The following JAKMIP1 variants were observed in gnomAD, a reference collection of about 807,000 sequenced individuals.
JAKMIP1 encodes janus kinase and microtubule-interacting protein 1.
A neutral mutation model predicts 113.0 loss-of-function variants in JAKMIP1; 33 were observed. That is an observed-to-expected ratio of 0.29 (90% confidence interval 0.22 to 0.39). The LOEUF (loss-of-function observed/expected upper bound fraction) is 0.39, where lower values mean the gene tolerates loss of function less well. Ranked by LOEUF, JAKMIP1 falls within the 10% of genes least tolerant of loss-of-function variation. JAKMIP1 has a pLI of 1.00. For synonymous variants in JAKMIP1, 480 were observed against 459.9 expected (o/e 1.04, Z -0.56); for missense variants, 813 against 1,080.5 (o/e 0.75, Z 3.47).
chr4:6,152,630 T>G (rs1051687967), intron 1 of JAKMIP1, among the ~76,000 whole-genome samples: 1 of 152,056 alleles, frequency 6.6e-6, no homozygotes, highest in African/African-American at 2.4e-5. Flanking sequence ...CAGCAGATCT[T>G]TGCAATATTC....
intron 1 of JAKMIP1, among the ~76,000 whole-genome samples, chr4:6,131,882 A>G (rs1718559301): frequency 6.6e-6 from 1 of 152,226 alleles, no homozygotes; most frequent in Admixed American, 6.5e-5. Context: ...TGAAGGAGAA[A>G]GTCTTTCTCC....
intron 16 of JAKMIP1, among the ~76,000 whole-genome samples, chr4:6,048,459 T>C (rs1008842372): frequency 9.9e-5 from 15 of 152,268 alleles, no homozygotes; most frequent in Admixed American, 3.3e-4. Context: ...AGTATAACTG[T>C]GTGATGGAGA....
At chr4:6,035,806 TG>T in intron 19 of JAKMIP1, 97 bp downstream of exon 19, 1 of 1,032,324 alleles carries the variant, frequency 9.7e-7, no homozygotes, top group Non-Finnish European at 1.4e-6. Context: ...CTCCCTGGAA[TG>T]AGCCTGGGGC....
intron 1 of JAKMIP1, among the ~76,000 whole-genome samples, chr4:6,149,116 A>T (rs1195153789): frequency 1.3e-5 from 2 of 152,188 alleles, no homozygotes; most frequent in African/African-American, 4.8e-5. Flanking sequence ...AGCCTTAGAG[A>T]AGGGCCACTG....
intron 11 of JAKMIP1, among the ~76,000 whole-genome samples, chr4:6,057,690 T>C (rs545497213): frequency 6.6e-6 from 1 of 152,326 alleles, no homozygotes; most frequent in Non-Finnish European, 1.5e-5. Context: ...CACCTCTGTG[T>C]GCACCCCCTC....
chr4:6,152,666 G>A (rs1721713810), intron 1 of JAKMIP1, among the ~76,000 whole-genome samples: 1 of 151,644 alleles, frequency 6.6e-6, no homozygotes, highest in African/African-American at 2.4e-5. Context: ...TCCTGGCCGA[G>A]TGTGGTGCCT....
chr4:6,099,397 A>C (rs1712631120), intron 3 of JAKMIP1, among the ~76,000 whole-genome samples: 1 of 151,986 alleles, frequency 6.6e-6, no homozygotes, highest in African/African-American at 2.4e-5. Context: ...GCCTTTTTAA[A>C]CCTTGATTTG....
chr4:6,055,260 G>A (rs1055372649), intron 12 of JAKMIP1, among the ~76,000 whole-genome samples: 1 of 152,170 alleles, frequency 6.6e-6, no homozygotes, highest in Non-Finnish European at 1.5e-5. Flanking sequence ...GCAGAGGGGG[G>A]ACTGCACATG....
Position 6,137,024 on chromosome 4 carries a change from C to T in JAKMIP1, c.-147-24027G>A, listed in dbSNP as rs1719342141. 6.6e-6 allele frequency among the ~76,000 whole-genome samples: 1 copy of T among 152,204 alleles called. No individual in the cohort carries two copies. The highest frequency in any genetic ancestry group is 6.5e-5 in the Admixed American group (1 of 15,286). The stretch of plus-strand genomic sequence containing the variant: ...CCTGGGACTCTGCAGCCTATTCCCT[C>T]CAGTCCTCCTCTGCACCAGTAATCA... On this transcript the variant is annotated intron_variant, in intron 1 of 20. Coordinates refer to ENST00000409021, the MANE Select transcript of JAKMIP1 (RefSeq NM_001099433.2). The surrounding 1 kb of genome is among the most constrained non-coding windows in gnomAD (Gnocchi z 4.5).
chr4:6,079,411 G>A (rs979133668), intron 7 of JAKMIP1, among the ~76,000 whole-genome samples: 1 of 152,100 alleles, frequency 6.6e-6, no homozygotes, highest in African/African-American at 2.4e-5. Flanking sequence ...AAGAGGTAGA[G>A]GGAGATGGAG....
chr4:6,191,495 C>T (rs1318438011), intron 1 of JAKMIP1, among the ~76,000 whole-genome samples: 2 of 152,246 alleles, frequency 1.3e-5, no homozygotes, highest in African/African-American at 4.8e-5. Context: ...ATCCTCGCAG[C>T]GCACAAGGTG....
In JAKMIP1 at chr4:6,067,936, C is replaced by A. The variant is rs183068327; in HGVS notation, c.1303-2928G>T. ...CTTGTAAACACTGCTAACTGCAAGG[C>A]CTTTGGGGACGAGTCTGTTTGTTGC... is the stretch of plus-strand genomic sequence containing the variant. On this transcript the variant is annotated intron_variant, in intron 8 of 20. Coordinates refer to ENST00000409021, the MANE Select transcript of JAKMIP1 (RefSeq NM_001099433.2). The surrounding 1 kb of genome is among the most constrained non-coding windows in gnomAD (Gnocchi z 4.6). Among the ~76,000 whole-genome samples, 5 of 152,180 alleles carry A rather than the reference C, an allele frequency of 3.3e-5. No individual in the cohort carries two copies. Among genetic ancestry groups the A allele is most frequent in the South Asian group, 2.1e-4 (1 of 4,828 alleles).
intron 8 of JAKMIP1, among the ~76,000 whole-genome samples, chr4:6,075,107 T>C (rs143025058): frequency 7.4e-4 from 113 of 152,340 alleles, no homozygotes; most frequent in Non-Finnish European, 1.2e-3. Context: ...AGGTGGAGGT[T>C]GCAGTGAGCC....
At position 6,051,862 on chromosome 4, in the gene JAKMIP1, T is replaced by G. The variant is rs1715700124; in HGVS notation, c.1807-1183A>C. ...TAAACACTTTAGCGATGGACAGATT[T>G]GTCATGGTGGGGCAGCAGAGAAGAC... On this transcript the variant is annotated intron_variant, in intron 13 of 20. Transcript: ENST00000409021. This position sits in a 1 kb window ranked among gnomAD's most constrained non-coding sequence, Gnocchi z 5.0. 6.6e-6 allele frequency among the ~76,000 whole-genome samples: 1 copy of G among 152,192 alleles called. No homozygotes were observed. Among genetic ancestry groups the G allele is most frequent in the Non-Finnish European group, 1.5e-5 (1 of 68,030 alleles).
chr4:6,126,220 AC>A, intron 1 of JAKMIP1, among the ~76,000 whole-genome samples: 1 of 150,250 alleles, frequency 6.7e-6, no homozygotes. Context: ...CCATGCGGAA[AC>A]ACACACACGC....
intron 19 of JAKMIP1, 132 bp from the exon 20 acceptor site, chr4:6,029,913 G>A: frequency 1.5e-6 from 1 of 674,974 alleles, no homozygotes; most frequent in East Asian, 2.7e-5. Flanking sequence ...GATGAGCTCT[G>A]ATACATGCAC....
At chr4:6,103,208 G>T (rs1352483025) in intron 3 of JAKMIP1, among the ~76,000 whole-genome samples, 1 of 152,072 alleles carries the variant, frequency 6.6e-6, no homozygotes, top group East Asian at 1.9e-4. Flanking sequence ...TTTTCGGAGA[G>T]TTTATATCAT....
chr4:6,152,410 C>T (rs577805705), intron 1 of JAKMIP1, among the ~76,000 whole-genome samples: 1 of 152,278 alleles, frequency 6.6e-6, no homozygotes, highest in East Asian at 1.9e-4. Flanking sequence ...CCACCACCAA[C>T]TGGCTGGGGA....
chr4:6,168,692 A>AGTCCAAGG lies in JAKMIP1; in HGVS notation c.-148+31560_-148+31561insCCTTGGAC, dbSNP rs1475288771. Among the ~76,000 whole-genome samples the AGTCCAAGG allele has an allele frequency of 1.3e-5, 2 of 151,932 alleles. No homozygotes were observed. The highest frequency in any genetic ancestry group is 2.4e-5 in the African/African-American group (1 of 41,350). ...GATTTTTTGAGTCCAAGAGTCCAAG[A>AGTCCAAGG]CCAGCTTGGACAGGATGGCAAATCC... On this transcript the variant is annotated intron_variant, in intron 1 of 20. Transcript: ENST00000409021. The surrounding 1 kb of genome is among the most constrained non-coding windows in gnomAD (Gnocchi z 4.6).
Sources: gnomAD v4.1 joint callset for allele counts (sites outside exome capture counted in the v4.1 genomes callset) on GRCh38, gnomAD v4.1.1 for gene constraint, Gnocchi (gnomAD v3.1) non-coding constraint, MANE v1.5 for transcripts, NCBI Gene and HGNC (gene_info 2026-07-23, HGNC 2026-07-21) for gene names.